The following ANO4 variants were observed in gnomAD, a reference collection of about 807,000 sequenced individuals.
The protein encoded by ANO4 is anoctamin 4, also known as anoctamin-4.
ANO4 carries 69 observed loss-of-function variants against 141.9 expected under a neutral mutation model. The ratio of observed to expected loss-of-function variants is 0.49; its 90% CI spans 0.40 to 0.59. ANO4 has a LOEUF of 0.59. Among genes scored for constraint, ANO4 ranks in the 20% least tolerant of loss-of-function variants. The pLI is 0.00. For missense variants in ANO4, 894 were observed against 1,162.2 expected (o/e 0.77, Z 3.36); for synonymous variants, 350 against 394.3 (o/e 0.89, Z 1.33).
At chr12:100,980,767 A>T (rs192835667) in intron 7 of ANO4, among the ~76,000 whole-genome samples, 141 of 152,296 alleles carry the variant, frequency 9.3e-4, no homozygotes, top group Admixed American at 9.2e-3. Context: ...TTTGGAGTTA[A>T]TGCTCTTTTT....
chr12:101,071,628 A>C (rs1280104676), intron 14 of ANO4, among the ~76,000 whole-genome samples: 2 of 152,146 alleles, frequency 1.3e-5, no homozygotes, highest in African/African-American at 4.8e-5. Flanking sequence ...GTAGTACTTG[A>C]CAGCACAACA....
chr12:100,977,733 C>G (rs1280590499), intron 7 of ANO4, among the ~76,000 whole-genome samples: 1 of 152,268 alleles, frequency 6.6e-6, no homozygotes, highest in East Asian at 1.9e-4. Context: ...CTTCCAAACT[C>G]TCTTCTATTC....
intron 8 of ANO4, among the ~76,000 whole-genome samples, chr12:101,010,251 C>A (rs779253421): frequency 6.6e-6 from 1 of 152,042 alleles, no homozygotes; most frequent in Non-Finnish European, 1.5e-5. Flanking sequence ...AAATTGTATG[C>A]AAATGTTTAA....
chr12:100,828,996 G>A (rs2036502611), intron 1 of ANO4, among the ~76,000 whole-genome samples: 1 of 151,366 alleles, frequency 6.6e-6, no homozygotes, highest in Admixed American at 6.6e-5. Flanking sequence ...CTCCAGCCTG[G>A]GCAACAGAGT....
At chr12:100,984,900 G>A (rs1035744443) in intron 7 of ANO4, among the ~76,000 whole-genome samples, 20 of 139,900 alleles carry the variant, frequency 1.4e-4, no homozygotes, top group South Asian at 2.4e-4. Flanking sequence ...CTCCTATAGA[G>A]TAGTTATGCC....
intron 3 of ANO4, among the ~76,000 whole-genome samples, chr12:100,741,057 C>G (rs760788592): frequency 2.0e-5 from 3 of 152,198 alleles, no homozygotes; most frequent in Non-Finnish European, 4.4e-5. Flanking sequence ...TAAAATTTAT[C>G]GCTTATATCA....
chr12:101,113,353 A>C (rs528612388), intron 24 of ANO4, among the ~76,000 whole-genome samples: 2 of 152,364 alleles, frequency 1.3e-5, no homozygotes, highest in East Asian at 3.9e-4. Context: ...TCAAAGATTT[A>C]GAATTTTAAC....
intron 8 of ANO4, among the ~76,000 whole-genome samples, chr12:101,010,558 C>T (rs1296839488): frequency 1.3e-5 from 2 of 152,110 alleles, no homozygotes; most frequent in African/African-American, 4.8e-5. Context: ...CTGCAGTTGC[C>T]TAAGGCCCAG....
At chr12:101,050,725 C>T (rs1236731258) in intron 14 of ANO4, among the ~76,000 whole-genome samples, 1 of 152,132 alleles carries the variant, frequency 6.6e-6, no homozygotes, top group Non-Finnish European at 1.5e-5. Flanking sequence ...GGTCATAGCA[C>T]ACATAAAAAT....
At chr12:100,942,619 A>G (rs1030568912) in intron 5 of ANO4, 84 bp downstream of exon 5, 1 of 1,386,414 alleles carries the variant, frequency 7.2e-7, no homozygotes, top group Non-Finnish European at 9.7e-7. Context: ...AGCAGTCTTA[A>G]TGTTAACCAA....
chr12:100,756,967 T>C (rs1265243120), intron 3 of ANO4, among the ~76,000 whole-genome samples: 3 of 152,208 alleles, frequency 2.0e-5, no homozygotes, highest in Non-Finnish European at 4.4e-5. Flanking sequence ...GACATTTCCA[T>C]CTGGGATGTC....
chr12:101,011,982 T>TA (rs112814019), intron 8 of ANO4, among the ~76,000 whole-genome samples: 12,785 of 149,066 alleles, frequency 0.086, 662 homozygotes, highest in Middle Eastern at 0.16. Flanking sequence ...ATAATATATG[T>TA]AAAAAAAAAA....
intron 9 of ANO4, among the ~76,000 whole-genome samples, chr12:101,027,883 C>T (rs1000191390): frequency 1.3e-5 from 2 of 152,092 alleles, no homozygotes; most frequent in African/African-American, 4.8e-5. Flanking sequence ...GACCTTCCAA[C>T]AGGGGTTGTC....
chr12:100,798,082 C>T (rs2034445101), intron 1 of ANO4, among the ~76,000 whole-genome samples: 1 of 152,162 alleles, frequency 6.6e-6, no homozygotes, highest in African/African-American at 2.4e-5. Context: ...TAATGACATT[C>T]TGGATCTGTC....
chr12:100,767,909 G>C (rs1199241887), intron 3 of ANO4, among the ~76,000 whole-genome samples: 1 of 152,088 alleles, frequency 6.6e-6, no homozygotes, highest in Non-Finnish European at 1.5e-5. Flanking sequence ...CTAGAAACTA[G>C]TTCTGAGGGA....
intron 1 of ANO4, among the ~76,000 whole-genome samples, chr12:100,887,920 T>C (rs1243856922): frequency 6.6e-6 from 1 of 152,148 alleles, no homozygotes; most frequent in Admixed American, 6.6e-5. Context: ...TGTGCCTAAG[T>C]CCACAGAACA....
At chr12:101,066,241 A>T (rs1270232879) in intron 14 of ANO4, among the ~76,000 whole-genome samples, 1 of 152,236 alleles carries the variant, frequency 6.6e-6, no homozygotes, top group African/African-American at 2.4e-5. Flanking sequence ...TATTCAACAT[A>T]GTACTGGAAG....
intron 7 of ANO4, among the ~76,000 whole-genome samples, chr12:100,979,726 TTTTA>T (rs1272694521): frequency 2.0e-5 from 3 of 151,286 alleles, no homozygotes; most frequent in South Asian, 2.1e-4. Context: ...CTCTTCTTTC[TTTTA>T]TTTATTTTTT....
chr12:100,792,328 A>T (rs1388250583), upstream of ANO4, among the ~76,000 whole-genome samples: 1 of 152,222 alleles, frequency 6.6e-6, no homozygotes, highest in Non-Finnish European at 1.5e-5. Flanking sequence ...GTCAGGAAAA[A>T]GGCATTAAAT....
Sources: gnomAD v4.1 joint callset for allele counts (sites outside exome capture counted in the v4.1 genomes callset) on GRCh38, gnomAD v4.1.1 for gene constraint, MANE v1.5 for transcripts, NCBI Gene and HGNC (gene_info 2026-07-23, HGNC 2026-07-21) for gene names.